The following MCC variants were observed in gnomAD, a reference collection of about 807,000 sequenced individuals.
MCC encodes the protein MCC regulator of Wnt signaling pathway.
Under a neutral mutation model 116.2 loss-of-function variants are expected in MCC, and 90 were observed. The ratio of observed to expected loss-of-function variants is 0.77; its 90% CI spans 0.65 to 0.92. MCC has a LOEUF of 0.92. MCC is among the 40% of genes least tolerant of loss of function. The probability of loss-of-function intolerance (pLI) is 0.00; values close to 1 mark genes in which losing one functional copy is unlikely to be tolerated. For synonymous variants in MCC, 578 were observed against 510.5 expected (o/e 1.13, Z -1.78); for missense variants, 1,516 against 1,312.2 (o/e 1.16, Z -2.40).
intron 2 of MCC, among the ~76,000 whole-genome samples, chr5:113,382,302 A>T: frequency 1.4e-5 from 2 of 140,108 alleles, no homozygotes; most frequent in Non-Finnish European, 3.1e-5. Context: ...ACAGGGTCTT[A>T]CTCTATCACC....
chr5:113,173,114 T>A (rs1337170491), intron 3 of MCC, among the ~76,000 whole-genome samples: 1 of 152,190 alleles, frequency 6.6e-6, no homozygotes, highest in African/African-American at 2.4e-5. Context: ...TTAATTTATA[T>A]AGCATTTTAT....
intron 3 of MCC, among the ~76,000 whole-genome samples, chr5:113,325,780 A>G (rs557610416): frequency 6.6e-6 from 1 of 152,260 alleles, no homozygotes; most frequent in Admixed American, 6.5e-5. Flanking sequence ...TTTCACAGAA[A>G]TTTTAAACCC....
chr5:113,366,562 C>T (rs949872574), intron 2 of MCC, among the ~76,000 whole-genome samples: 7 of 152,026 alleles, frequency 4.6e-5, no homozygotes, highest in Non-Finnish European at 8.8e-5. Context: ...TTTTAAAAAA[C>T]GATTTGTCTT....
intron 6 of MCC, among the ~76,000 whole-genome samples, chr5:113,108,748 C>T (rs1379112304): frequency 6.6e-6 from 1 of 152,010 alleles, no homozygotes; most frequent in Admixed American, 6.5e-5. Flanking sequence ...CACTGATGCA[C>T]AGACTCTGAA....
chr5:113,141,437 A>T (rs891319417), intron 5 of MCC, among the ~76,000 whole-genome samples: 3 of 152,174 alleles, frequency 2.0e-5, no homozygotes, highest in Non-Finnish European at 2.9e-5. Flanking sequence ...ATATCTTTAC[A>T]GATGTCTATC....
intron 18 of MCC, among the ~76,000 whole-genome samples, chr5:113,028,531 T>TTAGAGCAGTATTTCCTGAAG (rs1221206441): frequency 2.6e-5 from 4 of 152,204 alleles, no homozygotes; most frequent in Non-Finnish European, 4.4e-5. Flanking sequence ...GAGCCCAGTC[T>TTAGAGCAGTATTTCCTGAAG]TAGAGCAGTA....
intron 8 of MCC, among the ~76,000 whole-genome samples, chr5:113,099,101 G>A (rs1756233274): frequency 1.7e-5 from 1 of 58,930 alleles, no homozygotes; most frequent in Admixed American, 2.0e-4. Context: ...GCATTCAAAT[G>A]CATCTAGTAC....
chr5:113,360,118 C>T (rs1768510091), intron 2 of MCC, among the ~76,000 whole-genome samples: 1 of 151,994 alleles, frequency 6.6e-6, no homozygotes, highest in Non-Finnish European at 1.5e-5. Flanking sequence ...ATGCCAATGA[C>T]ATTGTCATAC....
At chr5:113,353,227 G>A (rs956003448) in intron 2 of MCC, among the ~76,000 whole-genome samples, 2 of 152,154 alleles carry the variant, frequency 1.3e-5, no homozygotes, top group Middle Eastern at 3.4e-3. Flanking sequence ...CTGAGTTCTC[G>A]AACAAATGAC....
intron 3 of MCC, among the ~76,000 whole-genome samples, chr5:113,283,287 A>G (rs1226693060): frequency 6.6e-6 from 1 of 152,268 alleles, no homozygotes; most frequent in Non-Finnish European, 1.5e-5. Context: ...TAAGGGATTG[A>G]TAATCCAGAA....
chr5:113,262,358 T>C (rs1458147603), intron 3 of MCC, among the ~76,000 whole-genome samples: 1 of 152,218 alleles, frequency 6.6e-6, no homozygotes, highest in Non-Finnish European at 1.5e-5. Flanking sequence ...TTGGGTTTTA[T>C]GAGAAACGTT....
chr5:113,471,992 G>GT (rs1561590125), intron 1 of MCC, among the ~76,000 whole-genome samples: 1 of 152,054 alleles, frequency 6.6e-6, no homozygotes, highest in African/African-American at 2.4e-5. Flanking sequence ...CTGGTGTGCC[G>GT]TTTTTTAAGC....
intron 1 of MCC, among the ~76,000 whole-genome samples, chr5:113,483,899 T>C (rs1384780275): frequency 1.3e-5 from 2 of 151,250 alleles, no homozygotes; most frequent in African/African-American, 4.9e-5. Flanking sequence ...TGCAAGGACA[T>C]GGATGGGACT....
intron 3 of MCC, among the ~76,000 whole-genome samples, chr5:113,332,845 AC>A (rs1240293894): frequency 6.6e-6 from 1 of 151,650 alleles, no homozygotes; most frequent in East Asian, 1.9e-4. Context: ...ACAAAGCTAC[AC>A]CTCCTGAAAT....
chr5:113,389,006 T>C (rs1769339889), intron 1 of MCC, among the ~76,000 whole-genome samples: 2 of 152,218 alleles, frequency 1.3e-5, no homozygotes, highest in Admixed American at 6.5e-5. Context: ...TCAAAGGTCA[T>C]GAATTAACAA....
At chr5:113,475,060 A>G (rs1265596151) in intron 1 of MCC, among the ~76,000 whole-genome samples, 1 of 152,216 alleles carries the variant, frequency 6.6e-6, no homozygotes. Context: ...GCTTCCCTTC[A>G]CCCCATCTAC....
intron 3 of MCC, among the ~76,000 whole-genome samples, chr5:113,252,875 A>G (rs1764854294): frequency 1.3e-5 from 2 of 152,176 alleles, no homozygotes; most frequent in South Asian, 4.1e-4. Flanking sequence ...ATATGTCATA[A>G]CCTCTCTGCA....
intron 2 of MCC, among the ~76,000 whole-genome samples, chr5:113,359,477 A>G (rs1482751225): frequency 6.6e-6 from 1 of 152,194 alleles, no homozygotes; most frequent in Non-Finnish European, 1.5e-5. Context: ...AGCTGCAATA[A>G]ACAGACTTTA....
chr5:113,138,102 C>T (rs1758948153), intron 5 of MCC, among the ~76,000 whole-genome samples: 1 of 151,922 alleles, frequency 6.6e-6, no homozygotes, highest in South Asian at 2.1e-4. Flanking sequence ...CTGCAACCTC[C>T]ACCTCCTGGG....
Sources: gnomAD v4.1 joint callset for allele counts (sites outside exome capture counted in the v4.1 genomes callset) on GRCh38, gnomAD v4.1.1 for gene constraint, MANE v1.5 for transcripts, NCBI Gene and HGNC (gene_info 2026-07-23, HGNC 2026-07-21) for gene names.